The following TRPS1 variants were observed in gnomAD, a reference collection of about 807,000 sequenced individuals.
TRPS1 encodes zinc finger transcription factor Trps1.
Under a neutral mutation model 101.2 loss-of-function variants are expected in TRPS1, and 6 were observed. That is an observed-to-expected ratio of 0.06 (90% CI 0.03 to 0.12). The LOEUF is 0.12. Ranked by LOEUF, TRPS1 falls within the 10% of genes least tolerant of loss-of-function variation. The probability of loss-of-function intolerance (pLI) is 1.00; values close to 1 mark genes in which losing one functional copy is unlikely to be tolerated. For missense variants in TRPS1, 1,363 were observed against 1,567.0 expected, an observed-to-expected ratio of 0.87 and a Z score of 2.20; for synonymous variants, 578 against 589.8, an observed-to-expected ratio of 0.98 and a Z score of 0.29.
chr8:115,661,380 G>C (rs942789539), intron 1 of TRPS1, among the ~76,000 whole-genome samples: 1 of 151,764 alleles, frequency 6.6e-6, no homozygotes, highest in Non-Finnish European at 1.5e-5. Context: ...AAGTATTATC[G>C]GTCTACATAC....
chr8:115,459,428 A>G (rs1814111467), intron 5 of TRPS1, among the ~76,000 whole-genome samples: 1 of 152,104 alleles, frequency 6.6e-6, no homozygotes, highest in Non-Finnish European at 1.5e-5. Context: ...TGAAGTTCCA[A>G]TTGTTGATAT....
At chr8:115,416,697 C>CT (rs986114809) in intron 6 of TRPS1, among the ~76,000 whole-genome samples, 95 of 151,582 alleles carry the variant, frequency 6.3e-4, no homozygotes, top group African/African-American at 2.2e-3. Flanking sequence ...ACTATAAATC[C>CT]TTTTTGGAAC....
intron 1 of TRPS1, among the ~76,000 whole-genome samples, chr8:115,665,649 T>C (rs766548152): frequency 6.6e-5 from 10 of 152,118 alleles, no homozygotes; most frequent in Admixed American, 3.3e-4. Flanking sequence ...ATGCAGAAAA[T>C]TTTATAAAAT....
chr8:115,540,195 G>GGACA (rs1816418512), intron 5 of TRPS1, among the ~76,000 whole-genome samples: 6 of 152,030 alleles, frequency 3.9e-5, no homozygotes, highest in Admixed American at 2.6e-4. Context: ...ACAGCACAAT[G>GGACA]GACACATTTA....
intron 5 of TRPS1, among the ~76,000 whole-genome samples, chr8:115,554,970 G>A (rs967790248): frequency 6.6e-6 from 1 of 152,062 alleles, no homozygotes; most frequent in African/African-American, 2.4e-5. Flanking sequence ...GCAAGAGGGC[G>A]AAAATAAGTG....
chr8:115,637,530 T>G (rs1818798100), intron 1 of TRPS1, among the ~76,000 whole-genome samples: 1 of 152,206 alleles, frequency 6.6e-6, no homozygotes, highest in Non-Finnish European at 1.5e-5. Flanking sequence ...TATACATTAA[T>G]GGAGACATTA....
chr8:115,512,417 C>T (rs1815608451), intron 5 of TRPS1, among the ~76,000 whole-genome samples: 1 of 151,538 alleles, frequency 6.6e-6, no homozygotes. Flanking sequence ...AAAATGGACC[C>T]TATCATAAAG....
Position 115,414,178 on chromosome 8 carries a change from C to T in TRPS1, c.3730G>A (p.Ala1244Thr). The T allele has an allele frequency of 1.2e-6, 2 of 1,614,034 alleles. No individual in the cohort carries two copies. The highest frequency in any genetic ancestry group is 1.7e-6 in the Non-Finnish European group (2 of 1,179,940). ...GIVFLDEVMY[A>T]LHMSCHGDSG... The stretch of plus-strand genomic sequence containing the variant: ...TCACCATGGCAACTCATATGCAAAG[C>T]ATACATCACTTCATCCAGAAAGACA... The change falls in exon 7 of 7, where the codon GCT becomes ACT. Residue 1244 changes from alanine (A) to threonine (T), a missense_variant. Coordinates refer to ENST00000395715, the MANE Select transcript of TRPS1 (RefSeq NM_014112.5). This position sits in a 1 kb window ranked among gnomAD's most constrained non-coding sequence, Gnocchi z 4.8.
At chr8:115,644,249 C>A (rs1818965080) in intron 1 of TRPS1, among the ~76,000 whole-genome samples, 1 of 152,196 alleles carries the variant, frequency 6.6e-6, no homozygotes, top group Non-Finnish European at 1.5e-5. Flanking sequence ...TTTGTCTCCA[C>A]TGAAAATCTG....
chr8:115,461,694 T>C (rs1814183766), intron 5 of TRPS1, among the ~76,000 whole-genome samples: 1 of 152,194 alleles, frequency 6.6e-6, no homozygotes. Flanking sequence ...AGTTGAAACA[T>C]ATTATGAAGT....
At chr8:115,532,241 C>G (rs897038337) in intron 5 of TRPS1, among the ~76,000 whole-genome samples, 2 of 98,848 alleles carry the variant, frequency 2.0e-5, no homozygotes, top group African/African-American at 4.5e-5. Flanking sequence ...GAAATCAGAG[C>G]GCATTTTTTT....
chr8:115,633,593 C>T (rs1406076297), intron 1 of TRPS1, among the ~76,000 whole-genome samples: 3 of 152,032 alleles, frequency 2.0e-5, no homozygotes, highest in Non-Finnish European at 2.9e-5. Flanking sequence ...ATTTAGTAGT[C>T]CTATTTCACA....
intron 5 of TRPS1, among the ~76,000 whole-genome samples, chr8:115,498,415 C>CTCTCTCTCTCTATA (rs1486361297): frequency 2.3e-4 from 9 of 39,316 alleles, no homozygotes; most frequent in African/African-American, 7.6e-4. Flanking sequence ...CTCTCTCTCT[C>CTCTCTCTCTCTATA]TATATATATA....
chr8:115,437,601 T>G (rs548402173), intron 5 of TRPS1, among the ~76,000 whole-genome samples: 1 of 152,150 alleles, frequency 6.6e-6, no homozygotes, highest in Non-Finnish European at 1.5e-5. Flanking sequence ...AAATAAATAA[T>G]TGACAAAAGT....
rs1812976470 is a variant in TRPS1, at chr8:115,418,488, GTCACATGA to G, written c.2701-44_2701-37del. 1 of 1,613,838 alleles carries G rather than the reference GTCACATGA, an allele frequency of 6.2e-7. No homozygotes were observed. The highest frequency in any genetic ancestry group is 1.3e-5 in the African/African-American group (1 of 74,928). On this transcript the variant is annotated intron_variant, in intron 5 of 6. Coordinates refer to ENST00000395715, the MANE Select transcript of TRPS1 (RefSeq NM_014112.5). This position sits in a 1 kb window ranked among gnomAD's most constrained non-coding sequence, Gnocchi z 4.3. Reference sequence around the variant, plus strand: ...GGAAAAAAACCAAGGTCAGAGGTGAGTCACATGATCAGTGGAGTTAGACCAAATCAACC... The same window carrying G: ...GGAAAAAAACCAAGGTCAGAGGTGAGTCAGTGGAGTTAGACCAAATCAACC...
At chr8:115,625,338 T>C (rs1818482136) in intron 1 of TRPS1, among the ~76,000 whole-genome samples, 1 of 151,940 alleles carries the variant, frequency 6.6e-6, no homozygotes, top group Non-Finnish European at 1.5e-5. Flanking sequence ...ACCTGTACAA[T>C]AAGGGAATTT....
intron 5 of TRPS1, among the ~76,000 whole-genome samples, chr8:115,500,697 G>A (rs1417638931): frequency 1.3e-5 from 2 of 152,064 alleles, no homozygotes; most frequent in Non-Finnish European, 2.9e-5. Context: ...AGCCTCCCGA[G>A]TAGCTGGGAC....
chr8:115,453,722 C>T lies in TRPS1; in HGVS notation c.2701-35270G>A, dbSNP rs181803364. On this transcript the variant is annotated intron_variant, in intron 5 of 6. Transcript: ENST00000395715. The stretch of plus-strand genomic sequence containing the variant: ...AAAGAGTCATGCATCTACTGCAGCA[C>T]CAGTTATAAGACTATCCACTTCTAA... Among the ~76,000 whole-genome samples, 302 of 152,280 alleles carry T rather than the reference C, an allele frequency of 2.0e-3. 1 individual carries two copies. The highest frequency in any genetic ancestry group is 7.0e-3 in the African/African-American group (291 of 41,552).
intron 5 of TRPS1, among the ~76,000 whole-genome samples, chr8:115,538,352 A>G (rs935292053): frequency 6.6e-6 from 1 of 152,186 alleles, no homozygotes; most frequent in African/African-American, 2.4e-5. Flanking sequence ...TGCATAGTTA[A>G]GTATTATTTT....
Sources: gnomAD v4.1 joint callset for allele counts (sites outside exome capture counted in the v4.1 genomes callset) on GRCh38, gnomAD v4.1.1 for gene constraint, Gnocchi (gnomAD v3.1) non-coding constraint, MANE v1.5 for transcripts, NCBI Gene and HGNC (gene_info 2026-07-23, HGNC 2026-07-21) for gene names.